The following ZNF503 variants were observed in gnomAD, a reference collection of about 807,000 sequenced individuals.
ZNF503 encodes the protein zinc finger protein 503.
ZNF503 carries 15 observed loss-of-function variants against 34.4 expected under a neutral mutation model. The ratio of observed to expected loss-of-function variants is 0.44; its 90% CI spans 0.29 to 0.67. The LOEUF (loss-of-function observed/expected upper bound fraction) is 0.67. Among genes scored for constraint, ZNF503 ranks in the 30% least tolerant of loss-of-function variants. ZNF503 has a pLI of 0.13. For missense variants in ZNF503, 1,007 were observed against 926.8 expected, an observed-to-expected ratio of 1.09 and a Z score of -1.12; for synonymous variants, 580 against 456.8, an observed-to-expected ratio of 1.27 and a Z score of -3.44.
the ZNF503 span, among the ~76,000 whole-genome samples, chr10:75,369,978 A>G: frequency 6.6e-6 from 1 of 152,004 alleles, no homozygotes; most frequent in Admixed American, 6.6e-5. Flanking sequence ...GAGACAGGAG[A>G]ATCGCTTGAA....
chr10:75,301,865 T>C, the ZNF503 span, among the ~76,000 whole-genome samples: 1 of 152,232 alleles, frequency 6.6e-6, no homozygotes, highest in African/African-American at 2.4e-5. Context: ...TATTTTTTAT[T>C]GCAATCTTGC....
At chr10:75,329,434 C>CTTTCTTTCTTT in the ZNF503 span, among the ~76,000 whole-genome samples, 3 of 87,460 alleles carry the variant, frequency 3.4e-5, no homozygotes, top group African/African-American at 1.1e-4. Flanking sequence ...TTCCTTCCTT[C>CTTTCTTTCTTT]CTTTCTTTCT....
At chr10:75,292,461 G>C in the ZNF503 span, among the ~76,000 whole-genome samples, 2 of 152,222 alleles carry the variant, frequency 1.3e-5, no homozygotes, top group African/African-American at 2.4e-5. Flanking sequence ...TTGCTCCTGC[G>C]ATACATTGGC....
At chr10:75,381,269 G>A in the ZNF503 span, among the ~76,000 whole-genome samples, 2 of 152,092 alleles carry the variant, frequency 1.3e-5, no homozygotes, top group Admixed American at 1.3e-4. Flanking sequence ...TGTTGTCTAG[G>A]CTGAAGTGCA....
At chr10:75,364,511 G>A in the ZNF503 span, among the ~76,000 whole-genome samples, 3 of 152,124 alleles carry the variant, frequency 2.0e-5, no homozygotes. Context: ...ACACTAGCTT[G>A]GTGTGCTAAT....
rs1193980390 is a variant in ZNF503, at chr10:75,399,538, G to C, written c.1152C>G (p.Thr384=). Residue 384 remains threonine, a synonymous_variant, in exon 2 of 2, where the codon ACC becomes ACG. Coordinates refer to ENST00000372524, the MANE Select transcript of ZNF503 (RefSeq NM_032772.6). ...GCGCCCCCACCAGGCTGCCCGGCTT[G>C]GTGGGGTCAAGTGCCACGCCGTGTG... The part of the protein sequence containing the change: ...FLPHGVALDP[T]KPGSLVGAQL... 6.3e-7 allele frequency: 1 copy of C among 1,590,764 alleles called. No homozygotes were observed. Among genetic ancestry groups the C allele is most frequent in the East Asian group, 2.2e-5 (1 of 44,662 alleles).
chr10:75,286,512 G>A, the ZNF503 span, among the ~76,000 whole-genome samples: 3 of 152,280 alleles, frequency 2.0e-5, no homozygotes, highest in Middle Eastern at 6.8e-3. Context: ...AACGGAGCCA[G>A]AAAACTGCCT....
At position 75,401,414 on chromosome 10, in the gene ZNF503, G is replaced by A. The variant is rs1418005586; in HGVS notation, c.6C>T (p.Ser2=). 3 of 1,536,812 alleles carry A rather than the reference G, an allele frequency of 2.0e-6. No homozygotes were observed. The Admixed American group carries it at 5.9e-5, about 30-fold the overall frequency. Residue 2 remains serine (S), a synonymous_variant, in exon 1 of 2, where the codon AGC becomes AGT. Transcript: ENST00000372524. ...TTAGGGCAGAAAGCGAGGGCGCTGT[G>A]CTCATGACCCACCCGCGCGCATGGG... is the stretch of plus-strand genomic sequence containing the variant. M[S]TAPSLSALRS...
rs1337231527 is a variant in ZNF503, at chr10:75,401,272, C to G, written c.148G>C (p.Ala50Pro). 6.3e-7 allele frequency: 1 copy of G among 1,590,712 alleles called. No homozygotes were observed. ...TGCACAAAAGGCTTGGTGCTGCCGG[C>G]CGGGGACGAGCCTGGGCCGGGGCCG... ...SSGPGPGSSP[A>P]GSTKPFVHAV... The change falls in exon 1 of 2, where the codon GCC (alanine) becomes CCC (proline). Residue 50 changes from alanine (A) to proline (P), a missense_variant. By Grantham distance (27) the Ala-to-Pro change is conservative. Coordinates refer to ENST00000372524, the MANE Select transcript of ZNF503 (RefSeq NM_032772.6).
At chr10:75,286,026 T>C in the ZNF503 span, among the ~76,000 whole-genome samples, 1 of 152,330 alleles carries the variant, frequency 6.6e-6, no homozygotes, top group East Asian at 1.9e-4. Context: ...CTCACACCTG[T>C]AATTCCAGCA....
At chr10:75,338,192 T>A in the ZNF503 span, 1 of 152,248 alleles carries the variant, frequency 6.6e-6, no homozygotes, top group African/African-American at 2.4e-5. Flanking sequence ...TACCTTCTAC[T>A]TATGGCAAAT....
At chr10:75,396,604 AGTCCCC>A (rs1396028185), downstream of ZNF503, among the ~76,000 whole-genome samples, 3 of 152,184 alleles carry the variant, frequency 2.0e-5, no homozygotes, top group Non-Finnish European at 4.4e-5. This position sits in a 1 kb window ranked among gnomAD's most constrained non-coding sequence, Gnocchi z 4.4. Flanking sequence ...CGCGGCCGTG[AGTCCCC>A]AGAGGCAACA....
the ZNF503 span, among the ~76,000 whole-genome samples, chr10:75,389,603 G>A: frequency 3.3e-5 from 5 of 152,146 alleles, no homozygotes; most frequent in Non-Finnish European, 7.4e-5. Context: ...GGTGGCGCAT[G>A]CCTGTAATCC....
chr10:75,286,051 G>A, the ZNF503 span, among the ~76,000 whole-genome samples: 1 of 152,276 alleles, frequency 6.6e-6, no homozygotes, highest in South Asian at 2.1e-4. Context: ...GGGAGGCCGA[G>A]GCAGGTGGAT....
chr10:75,358,750 T>G, the ZNF503 span: 1 of 152,198 alleles, frequency 6.6e-6, no homozygotes, highest in Non-Finnish European at 1.5e-5. Context: ...ACTCCCTGTG[T>G]TAGCTAATGC....
chr10:75,374,478 T>C, the ZNF503 span, among the ~76,000 whole-genome samples: 1 of 152,194 alleles, frequency 6.6e-6, no homozygotes, highest in African/African-American at 2.4e-5. Flanking sequence ...GTCTTCGCAC[T>C]TGCCACCCTC....
the ZNF503 span, among the ~76,000 whole-genome samples, chr10:75,305,494 G>GT: frequency 1.3e-5 from 2 of 151,954 alleles, no homozygotes; most frequent in African/African-American, 2.4e-5. Flanking sequence ...GTTAATACAA[G>GT]TTTTTTTGTT....
chr10:75,313,820 G>A, the ZNF503 span, among the ~76,000 whole-genome samples: 27 of 152,298 alleles, frequency 1.8e-4, no homozygotes, highest in Admixed American at 4.6e-4. Context: ...ACTGACCTAA[G>A]GAAAACAAAA....
chr10:75,385,744 A>ACTCACAC, the ZNF503 span, among the ~76,000 whole-genome samples: 1 of 152,234 alleles, frequency 6.6e-6, no homozygotes. Flanking sequence ...TGAGAAGAGT[A>ACTCACAC]TATGGGATGG....
Sources: gnomAD v4.1 joint callset for allele counts (sites outside exome capture counted in the v4.1 genomes callset) on GRCh38, gnomAD v4.1.1 for gene constraint, Gnocchi (gnomAD v3.1) non-coding constraint, MANE v1.5 for transcripts, NCBI Gene and HGNC (gene_info 2026-07-23, HGNC 2026-07-21) for gene names.